The following MORN1 variants were observed in gnomAD, a reference collection of about 807,000 sequenced individuals.
MORN1 encodes the protein MORN repeat-containing protein 1.
A neutral mutation model predicts 61.9 loss-of-function variants in MORN1; 67 were observed. That is an observed-to-expected ratio of 1.08 (90% confidence interval 0.89 to 1.33). The LOEUF is 1.33. Ranked by LOEUF, MORN1 falls within the 40% of genes most tolerant of loss-of-function variation. The pLI, the probability that MORN1 is intolerant of heterozygous loss-of-function variation, is 0.00. For synonymous variants in MORN1, 301 were observed against 292.0 expected (o/e 1.03, Z -0.31); for missense variants, 752 against 691.2 (o/e 1.09, Z -0.99).
At position 2,385,798 on chromosome 1, in the gene MORN1, C is replaced by A; in HGVS notation, c.449+9G>T. The A allele has an allele frequency of 1.2e-6, 2 of 1,612,700 alleles. No individual in the cohort carries two copies. Among genetic ancestry groups the A allele is most frequent in the Non-Finnish European group, 8.5e-7 (1 of 1,178,922 alleles). On this transcript the variant is annotated intron_variant, in intron 5 of 13. Coordinates refer to ENST00000378531, the MANE Select transcript of MORN1 (RefSeq NM_024848.3). ...TGCGCCAGGCAGTACCCACAAGACT[C>A]ATACTCACTGAAAGAGCATCTGCCC... is the stretch of plus-strand genomic sequence containing the variant.
At chr1:2,332,603 G>A in intron 12 of MORN1, 2 of 456,512 alleles carry the variant, frequency 4.4e-6, no homozygotes, top group Middle Eastern at 6.5e-4. Context: ...GGCCCAGGTT[G>A]GGGGCCAGGA....
chr1:2,325,060 G>T (rs1245073335), intron 12 of MORN1, among the ~76,000 whole-genome samples: 1 of 144,224 alleles, frequency 6.9e-6, no homozygotes, highest in Non-Finnish European at 1.5e-5. Context: ...CCCGGGCAGT[G>T]AGATGCACTT....
chr1:2,326,206 G>A (rs528330891), intron 12 of MORN1: 2 of 152,322 alleles, frequency 1.3e-5, no homozygotes, highest in Middle Eastern at 3.4e-3. Context: ...AAGAATGAAA[G>A]ACAAGACTTT....
intron 10 of MORN1, chr1:2,355,083 G>T: frequency 1.1e-6 from 1 of 884,812 alleles, no homozygotes; most frequent in Non-Finnish European, 1.4e-6. Context: ...CCGGCGCGGG[G>T]GGCCCGCGCG....
At chr1:2,327,789 G>C (rs1485412601) in intron 12 of MORN1, among the ~76,000 whole-genome samples, 1 of 152,272 alleles carries the variant, frequency 6.6e-6, no homozygotes, top group African/African-American at 2.4e-5. Flanking sequence ...TCTTGCCTGT[G>C]CCTCTGGCGG....
At position 2,337,253 on chromosome 1, in the gene MORN1, G is replaced by C. The variant is rs551752015; in HGVS notation, c.1037-403C>G. 6.6e-6 allele frequency among the ~76,000 whole-genome samples: 1 copy of C among 152,200 alleles called. No homozygotes were observed. On this transcript the variant is annotated intron_variant, in intron 10 of 13. Transcript: ENST00000378531. The surrounding 1 kb of genome is among the most constrained non-coding windows in gnomAD (Gnocchi z 5.7). ...AACAGTACAGCTGTGTGCCCTCCTC[G>C]GAGCGCAGCATGAGGAGGAAGATGG...
chr1:2,323,247 G>A (rs1041762228), intron 13 of MORN1: 3 of 985,248 alleles, frequency 3.0e-6, no homozygotes, highest in Non-Finnish European at 3.6e-6. Flanking sequence ...CTACAGCCCC[G>A]GCCACACGGG....
chr1:2,387,386 C>A, intron 4 of MORN1, 33 bp downstream of exon 4: 1 of 1,525,364 alleles, frequency 6.6e-7, no homozygotes, highest in Non-Finnish European at 9.1e-7. Context: ...AAGCGCCCAC[C>A]CTCACAGCAC....
chr1:2,322,662 G>A, intron 13 of MORN1: 1 of 985,476 alleles, frequency 1.0e-6, no homozygotes, highest in Non-Finnish European at 1.2e-6. Context: ...CTCCCTGGCG[G>A]GCGGAGGAAG....
At chr1:2,385,340 G>A in intron 5 of MORN1, 1 of 526,280 alleles carries the variant, frequency 1.9e-6, no homozygotes, top group Non-Finnish European at 3.4e-6. Flanking sequence ...ACCCAGGAGA[G>A]GCAACGGGAG....
chr1:2,327,891 GA>G (rs2100231510), intron 12 of MORN1, among the ~76,000 whole-genome samples: 1 of 152,386 alleles, frequency 6.6e-6, no homozygotes, highest in Non-Finnish European at 1.5e-5. Context: ...GTCCCCGCAT[GA>G]GCTCCTGGTC....
At chr1:2,322,391 C>T (rs777646591) in intron 13 of MORN1, 8 of 985,366 alleles carry the variant, frequency 8.1e-6, no homozygotes, top group Non-Finnish European at 9.6e-6. Flanking sequence ...CACCGCAAGG[C>T]AGAGCAACAT....
chr1:2,334,869 A>C lies in MORN1; in HGVS notation c.1250+1600T>G, dbSNP rs1641232895. On this transcript the variant is annotated intron_variant, in intron 12 of 13. Coordinates refer to ENST00000378531, the MANE Select transcript of MORN1 (RefSeq NM_024848.3). The surrounding 1 kb of genome is among the most constrained non-coding windows in gnomAD (Gnocchi z 5.4). ...AATAAGACGTTCCAACATCACCCTC[A>C]GCGCGGAGGTTGCCACGGTTCTGGA... Among the ~76,000 whole-genome samples the C allele has an allele frequency of 6.6e-6, 1 of 152,188 alleles. No homozygotes were observed. The highest frequency in any genetic ancestry group is 2.1e-4 in the South Asian group (1 of 4,832).
chr1:2,329,376 G>A lies in MORN1; in HGVS notation c.1251-5233C>T, dbSNP rs536056406. On this transcript the variant is annotated intron_variant, in intron 12 of 13. Transcript: ENST00000378531. The stretch of plus-strand genomic sequence containing the variant: ...AACCCAGTCAATCCCTTTCTCTCGT[G>A]GCTGAACTCCCACCTGGAGGCGCTT... Among the ~76,000 whole-genome samples the A allele has an allele frequency of 3.3e-5, 5 of 152,302 alleles. No individual in the cohort carries two copies. In the South Asian group the frequency reaches 8.3e-4, roughly 25 times the overall value.
chr1:2,335,846 C>CCCAGCCCGGCCCGGCCCG (rs370659459), intron 12 of MORN1, among the ~76,000 whole-genome samples: 1 of 149,930 alleles, frequency 6.7e-6, no homozygotes, highest in African/African-American at 2.5e-5. Flanking sequence ...CCCAGCCCAG[C>CCCAGCCCGGCCCGGCCCG]GCGCAGCTGC....
chr1:2,331,568 G>A (rs1305178188), intron 12 of MORN1, among the ~76,000 whole-genome samples: 2 of 152,152 alleles, frequency 1.3e-5, no homozygotes, highest in Non-Finnish European at 2.9e-5. Flanking sequence ...GTGCCTGAGG[G>A]GGACCTGGTG....
At chr1:2,387,877 C>T (rs1159669139) in intron 3 of MORN1, 1 of 426,598 alleles carries the variant, frequency 2.3e-6, no homozygotes. Context: ...TGAGAACCCA[C>T]CGACCCCTCT....
At chr1:2,332,378 G>A (rs986505938) in intron 12 of MORN1, 8 of 344,422 alleles carry the variant, frequency 2.3e-5, no homozygotes, top group South Asian at 4.4e-5. Flanking sequence ...TGTTGCTCAC[G>A]GACTCCAGCA....
chr1:2,379,671 A>T (rs2100355034), intron 6 of MORN1, among the ~76,000 whole-genome samples: 1 of 152,336 alleles, frequency 6.6e-6, no homozygotes, highest in South Asian at 2.1e-4. Flanking sequence ...GTGGGCTTGC[A>T]TCTCAATTGT....
Sources: gnomAD v4.1 joint callset for allele counts (sites outside exome capture counted in the v4.1 genomes callset) on GRCh38, gnomAD v4.1.1 for gene constraint, Gnocchi (gnomAD v3.1) non-coding constraint, MANE v1.5 for transcripts, NCBI Gene and HGNC (gene_info 2026-07-23, HGNC 2026-07-21) for gene names.